Variants in FRAT2 observed in about 807,000 individuals in gnomAD.
The protein encoded by FRAT2 is GSK-3-binding protein FRAT2.
For synonymous variants in FRAT2, 205 were observed against 171.5 expected (o/e 1.20, Z -1.53); for missense variants, 326 against 340.8 (o/e 0.96, Z 0.34).
chr10:97,334,390 G>C lies in FRAT2; in HGVS notation c.183C>G (p.Ala61=). The C allele has an allele frequency of 7.7e-7, 1 of 1,300,800 alleles. No homozygotes were observed. The highest frequency in any genetic ancestry group is 3.1e-5 in the East Asian group (1 of 31,992). The allele number at this position is 1,300,800 out of a possible 1,614,324, so 80.6% of individuals were successfully genotyped here. Residue 61 remains alanine (A), a synonymous_variant, in exon 1 of 1, where the codon GCC becomes GCG. Coordinates refer to ENST00000371019, the MANE Select transcript of FRAT2 (RefSeq NM_012083.3). ...LQLDAAQDSP[A]SPCAPPGVPL... ...GCACCCCCGGGGGCGCGCACGGCGAGGCCGGGCTGTCCTGCGCCGCGTCCA... is the reference window on the plus strand; with the variant it reads ...GCACCCCCGGGGGCGCGCACGGCGACGCCGGGCTGTCCTGCGCCGCGTCCA...
rs1203121242 is a variant in FRAT2, at chr10:97,333,880, G to A, written c.693C>T (p.Ser231=). 6.5e-7 allele frequency: 1 copy of A among 1,527,848 alleles called. No individual in the cohort carries two copies. Among genetic ancestry groups the A allele is most frequent in the Non-Finnish European group, 8.8e-7 (1 of 1,142,066 alleles). 94.6% of individuals were successfully genotyped at this position (1,527,848 alleles called of 1,614,324 possible). Residue 231 remains serine, a synonymous_variant, in exon 1 of 1, where the codon TCC becomes TCT. Coordinates refer to ENST00000371019, the MANE Select transcript of FRAT2 (RefSeq NM_012083.3). ...PDRIALQPSG[S]LL ...CTCCAGGAGGCCTGCGTCAGAGCAA[G>A]GAGCCTGAGGGCTGCAGGGCAATGC...
rs1843535385 is a variant in FRAT2 at position 97,332,575 on chromosome 10, C to T, written c.*1296G>A. 6.6e-6 allele frequency: 1 copy of T among 152,240 alleles called. No individual in the cohort carries two copies. 9.4% of individuals were successfully genotyped at this position (152,240 alleles called of 1,614,324 possible). ...AAATCAGGACCACCACAATTTCAGA[C>T]ACTCCGTTGCGAAGTGTACATCAAT... On this transcript the variant is annotated 3_prime_UTR_variant, in exon 1 of 1. Transcript: ENST00000371019.
rs879130772 is a variant in FRAT2, at chr10:97,333,196, AAC to A, written c.*673_*674del. ...AACCCCACAGCAAACCGTGACCTTGAACACAGATGGCAAGGTCAAGTCATTTA... is the reference window on the plus strand; with the variant it reads ...AACCCCACAGCAAACCGTGACCTTGAACAGATGGCAAGGTCAAGTCATTTA... On this transcript the variant is annotated 3_prime_UTR_variant, in exon 1 of 1. Coordinates refer to ENST00000371019, the MANE Select transcript of FRAT2 (RefSeq NM_012083.3). 1 of 152,216 alleles carries A rather than the reference AAC, an allele frequency of 6.6e-6. No individual in the cohort carries two copies. Among genetic ancestry groups the A allele is most frequent in the Non-Finnish European group, 1.5e-5 (1 of 68,046 alleles). The allele number at this position is 152,216 out of a possible 1,614,324, so 9.4% of individuals were successfully genotyped here.
At position 97,334,003 on chromosome 10, in the gene FRAT2, C is replaced by T; in HGVS notation, c.570G>A (p.Lys190=). Residue 190 remains lysine, a synonymous_variant, in exon 1 of 1, where the codon AAG becomes AAA. Coordinates refer to ENST00000371019, the MANE Select transcript of FRAT2 (RefSeq NM_012083.3). ...CTCGTTGGAGTCTCCGCACGGCTTC[C>T]TTGATGAGGTTTCCCGAGAGCACGA... ...QQLVLSGNLI[K]EAVRRLQRAV... 6.3e-7 allele frequency: 1 copy of T among 1,594,574 alleles called. No homozygotes were observed. The highest frequency in any genetic ancestry group is 1.1e-5 in the South Asian group (1 of 90,262).
Position 97,334,581 on chromosome 10 carries a change from G to C in FRAT2, c.-9C>G. On this transcript the variant is annotated 5_prime_UTR_variant, in exon 1 of 1. Transcript: ENST00000371019. ...TCCCTCCGGCACGGCATGGCCCCCC[G>C]TCCTGGCACCCGGAGCTGTGCGGGC... The C allele has an allele frequency of 7.0e-7, 1 of 1,432,212 alleles. No homozygotes were observed. Among genetic ancestry groups the C allele is most frequent in the Non-Finnish European group, 9.2e-7 (1 of 1,089,572 alleles). The allele number at this position is 1,432,212 out of a possible 1,614,324, so 88.7% of individuals were successfully genotyped here.
Position 97,333,484 on chromosome 10 carries a change from T to C in FRAT2, c.*387A>G, listed in dbSNP as rs1299370673. 4.8e-6 allele frequency: 1 copy of C among 208,882 alleles called. No individual in the cohort carries two copies. The highest frequency in any genetic ancestry group is 9.5e-6 in the Non-Finnish European group (1 of 105,324). The allele number at this position is 208,882 out of a possible 1,614,324, so 12.9% of individuals were successfully genotyped here. A position where few individuals can be genotyped will look rare whatever the true frequency, so the allele number is the denominator to read the frequency against. ...CGTGTCGTTAGTTTTCAAGTATTGT[T>C]ATAAAGCCATCGCGATTCCTACCCC... On this transcript the variant is annotated 3_prime_UTR_variant, in exon 1 of 1. Coordinates refer to ENST00000371019, the MANE Select transcript of FRAT2 (RefSeq NM_012083.3).
Position 97,333,930 on chromosome 10 carries a change from C to A in FRAT2, c.643G>T (p.Gly215Trp), listed in dbSNP as rs771325328. 21 of 1,573,104 alleles carry A rather than the reference C, an allele frequency of 1.3e-5. No individual in the cohort carries two copies. Among genetic ancestry groups the A allele is most frequent in the East Asian group, 2.3e-5 (1 of 43,608 alleles). The change falls in exon 1 of 1, where the codon GGG (glycine) becomes TGG (tryptophan). Residue 215 changes from glycine (G) to tryptophan (W), a missense_variant. By Grantham distance (184) the Gly-to-Trp change is radical. Transcript: ENST00000371019. ...CGGTCAGGTCCGCTGCGGCCTCCCCCGGGCCCAGGGGCGCTTGCGGGGCCC... is the reference window on the plus strand; with the variant it reads ...CGGTCAGGTCCGCTGCGGCCTCCCCAGGGCCCAGGGGCGCTTGCGGGGCCC... ...ATGPASAPGP[G>W]GGRSGPDRIA...
Position 97,334,413 on chromosome 10 carries a change from C to T in FRAT2, c.160G>A (p.Asp54Asn). Reference sequence around the variant, plus strand: ...GAGGCCGGGCTGTCCTGCGCCGCGTCCAGCTGCAGCGTCTCGCCGATCTGG... The same window carrying T: ...GAGGCCGGGCTGTCCTGCGCCGCGTTCAGCTGCAGCGTCTCGCCGATCTGG... ...VAQIGETLQL[D>N]AAQDSPASPC... is the part of the protein sequence containing the mutation. The change falls in exon 1 of 1, where the codon GAC becomes AAC. Residue 54 changes from aspartate (D) to asparagine (N), a missense_variant. Transcript: ENST00000371019. 4.2e-6 allele frequency: 6 copies of T among 1,445,138 alleles called. No individual in the cohort carries two copies. The highest frequency in any genetic ancestry group is 5.5e-6 in the Non-Finnish European group (6 of 1,098,744). The allele number at this position is 1,445,138 out of a possible 1,614,324, so 89.5% of individuals were successfully genotyped here. A position where few individuals can be genotyped will look rare whatever the true frequency, so the allele number is the denominator to read the frequency against.
In FRAT2 at chr10:97,333,775, C is replaced by T; in HGVS notation, c.*96G>A. On this transcript the variant is annotated 3_prime_UTR_variant, in exon 1 of 1. Coordinates refer to ENST00000371019, the MANE Select transcript of FRAT2 (RefSeq NM_012083.3). ...TCCCCGCAGCCAAAGTGGTCGCTCC[C>T]AGGCTGGCGACGTCGGCTTCAGCTC... is the stretch of plus-strand genomic sequence containing the variant. The T allele has an allele frequency of 7.5e-7, 1 of 1,327,216 alleles. No homozygotes were observed. The highest frequency in any genetic ancestry group is 9.7e-7 in the Non-Finnish European group (1 of 1,026,466). 82.2% of individuals were successfully genotyped at this position (1,327,216 alleles called of 1,614,324 possible). A position where few individuals can be genotyped will look rare whatever the true frequency, so the allele number is the denominator to read the frequency against.
In FRAT2 at chr10:97,334,423, C is replaced by T. The variant is rs1483539229; in HGVS notation, c.150G>A (p.Thr50=). 6 of 1,462,234 alleles carry T rather than the reference C, an allele frequency of 4.1e-6. No individual in the cohort carries two copies. The highest frequency in any genetic ancestry group is 5.4e-6 in the Non-Finnish European group (6 of 1,109,108). 90.6% of individuals were successfully genotyped at this position (1,462,234 alleles called of 1,614,324 possible). A position where few individuals can be genotyped will look rare whatever the true frequency, so the allele number is the denominator to read the frequency against. The change falls in exon 1 of 1, where the codon ACG becomes ACA. Residue 50 remains threonine (T), a synonymous_variant. Transcript: ENST00000371019. ...VDRLVAQIGE[T]LQLDAAQDSP... ...TGTCCTGCGCCGCGTCCAGCTGCAG[C>T]GTCTCGCCGATCTGGGCCACCAGCC...
chr10:97,334,269 T>C lies in FRAT2; in HGVS notation c.304A>G (p.Thr102Ala). Residue 102 changes from threonine (T) to alanine (A), a missense_variant, in exon 1 of 1, where the codon ACG becomes GCG. Physicochemically the swap from Thr to Ala is moderately conservative, Grantham distance 58. Coordinates refer to ENST00000371019, the MANE Select transcript of FRAT2 (RefSeq NM_012083.3). ...GCCCCAGAGGGCGCCGGGCCCACCG[T>C]CTCAGCCGAAGCGGGCGGCAGCAGC... The part of the protein sequence containing the change: ...PLLLPPASAE[T>A]VGPAPSGALR... The C allele has an allele frequency of 8.5e-7, 1 of 1,178,020 alleles. No homozygotes were observed. Among genetic ancestry groups the C allele is most frequent in the Non-Finnish European group, 1.0e-6 (1 of 954,736 alleles). 73.0% of individuals were successfully genotyped at this position (1,178,020 alleles called of 1,614,324 possible).
rs1843546644 is a variant in FRAT2 at position 97,333,733 on chromosome 10, ATC to A, written c.*136_*137del. 1 of 926,748 alleles carries A rather than the reference ATC, an allele frequency of 1.1e-6. No individual in the cohort carries two copies. 57.4% of individuals were successfully genotyped at this position (926,748 alleles called of 1,614,324 possible). ...GCGGCTGGTAACTTCTCTGGTTGAG[ATC>A]TCTCCCCACGCGCCTCCCCGCAGCC... On this transcript the variant is annotated 3_prime_UTR_variant, in exon 1 of 1. Coordinates refer to ENST00000371019, the MANE Select transcript of FRAT2 (RefSeq NM_012083.3).
chr10:97,334,248 C>A lies in FRAT2; in HGVS notation c.325G>T (p.Gly109Trp). ...SAETVGPAPS[G>W]ALRCALGDRG... The stretch of plus-strand genomic sequence containing the variant: ...TCCCCTAGGGCGCAGCGCAGGGCCC[C>A]AGAGGGCGCCGGGCCCACCGTCTCA... The change falls in exon 1 of 1, where the codon GGG (glycine) becomes TGG (tryptophan). Residue 109 changes from glycine to tryptophan, a missense_variant. Physicochemically the swap from Gly to Trp is radical, Grantham distance 184. Coordinates refer to ENST00000371019, the MANE Select transcript of FRAT2 (RefSeq NM_012083.3). 1 of 1,195,666 alleles carries A rather than the reference C, an allele frequency of 8.4e-7. No homozygotes were observed. The highest frequency in any genetic ancestry group is 1.0e-6 in the Non-Finnish European group (1 of 965,910). The allele number at this position is 1,195,666 out of a possible 1,614,324, so 74.1% of individuals were successfully genotyped here.
chr10:97,334,600 T>A lies in FRAT2; in HGVS notation c.-28A>T. On this transcript the variant is annotated 5_prime_UTR_variant, in exon 1 of 1. Coordinates refer to ENST00000371019, the MANE Select transcript of FRAT2 (RefSeq NM_012083.3). ...CCCCCCGTCCTGGCACCCGGAGCTG[T>A]GCGGGCTTCGCTGGGGGCTTGGTTG... 7.2e-7 allele frequency: 1 copy of A among 1,381,440 alleles called. No individual in the cohort carries two copies. The highest frequency in any genetic ancestry group is 1.5e-5 in the African/African-American group (1 of 67,168). 85.6% of individuals were successfully genotyped at this position (1,381,440 alleles called of 1,614,324 possible). A position where few individuals can be genotyped will look rare whatever the true frequency, so the allele number is the denominator to read the frequency against.
rs3740518 is a variant in FRAT2, at chr10:97,332,615, G to A, written c.*1256C>T. The A allele has an allele frequency of 5.9e-5, 9 of 152,316 alleles. No individual in the cohort carries two copies. The East Asian group carries it at 9.6e-4, about 16-fold the overall frequency. The allele number at this position is 152,316 out of a possible 1,614,324, so 9.4% of individuals were successfully genotyped here. A position where few individuals can be genotyped will look rare whatever the true frequency, so the allele number is the denominator to read the frequency against. On this transcript the variant is annotated 3_prime_UTR_variant, in exon 1 of 1. Coordinates refer to ENST00000371019, the MANE Select transcript of FRAT2 (RefSeq NM_012083.3). ...TGTACATCAATAGCTACATCTGGAG[G>A]ATGAACAAGCCATTGAATCTTTTAA... is the stretch of plus-strand genomic sequence containing the variant.
chr10:97,333,786 C>G lies in FRAT2; in HGVS notation c.*85G>C, dbSNP rs1843547026. ...AAAGTGGTCGCTCCCAGGCTGGCGA[C>G]GTCGGCTTCAGCTCAGAGTTAGTAG... On this transcript the variant is annotated 3_prime_UTR_variant, in exon 1 of 1. Transcript: ENST00000371019. The G allele has an allele frequency of 7.4e-7, 1 of 1,345,980 alleles. No homozygotes were observed. Among genetic ancestry groups the G allele is most frequent in the Non-Finnish European group, 9.6e-7 (1 of 1,043,206 alleles). 83.4% of individuals were successfully genotyped at this position (1,345,980 alleles called of 1,614,324 possible). A position where few individuals can be genotyped will look rare whatever the true frequency, so the allele number is the denominator to read the frequency against.
rs984583814 is a variant in FRAT2, at chr10:97,333,557, G to A, written c.*314C>T. 8.9e-6 allele frequency: 3 copies of A among 336,892 alleles called. No homozygotes were observed. The highest frequency in any genetic ancestry group is 2.1e-5 in the African/African-American group (1 of 47,334). 20.9% of individuals were successfully genotyped at this position (336,892 alleles called of 1,614,324 possible). On this transcript the variant is annotated 3_prime_UTR_variant, in exon 1 of 1. Coordinates refer to ENST00000371019, the MANE Select transcript of FRAT2 (RefSeq NM_012083.3). ...AGCTCACGACGCCCCCAAGGGCTAA[G>A]TGAGGTACAAGTCGATGCAAGTAGC...
Position 97,334,720 on chromosome 10 carries a change from G to A in FRAT2, c.-148C>T. The A allele has an allele frequency of 1.1e-6, 1 of 951,370 alleles. No homozygotes were observed. Among genetic ancestry groups the A allele is most frequent in the Non-Finnish European group, 1.4e-6 (1 of 716,036 alleles). The allele number at this position is 951,370 out of a possible 1,614,324, so 58.9% of individuals were successfully genotyped here. ...TCGAGCCACGCGCCTGCAGCCGCTG[G>A]AGCCGGAATCCTGCCGGCTCGGGTT... On this transcript the variant is annotated 5_prime_UTR_variant, in exon 1 of 1. Coordinates refer to ENST00000371019, the MANE Select transcript of FRAT2 (RefSeq NM_012083.3).
Position 97,332,876 on chromosome 10 carries a change from A to G in FRAT2, c.*995T>C, listed in dbSNP as rs1205231771. 1 of 152,372 alleles carries G rather than the reference A, an allele frequency of 6.6e-6. No homozygotes were observed. Among genetic ancestry groups the G allele is most frequent in the Non-Finnish European group, 1.5e-5 (1 of 68,060 alleles). The allele number at this position is 152,372 out of a possible 1,614,324, so 9.4% of individuals were successfully genotyped here. ...AGCAGAAAAACGTCCAGGGTCTCTC[A>G]TGCATTCCTATAGACACCAGAAAGG... On this transcript the variant is annotated 3_prime_UTR_variant, in exon 1 of 1. Coordinates refer to ENST00000371019, the MANE Select transcript of FRAT2 (RefSeq NM_012083.3).
Sources: allele counts gnomAD v4.1 joint callset, GRCh38; gene constraint gnomAD v4.1.1; transcripts MANE v1.5; gene names NCBI Gene and HGNC (gene_info 2026-07-23, HGNC 2026-07-21).